The following NAA11 variants were observed in gnomAD, a reference collection of about 807,000 sequenced individuals.
NAA11 encodes the protein N-alpha-acetyltransferase 11, NatA catalytic subunit.
NAA11 carries 15 observed loss-of-function variants against 16.1 expected under a neutral mutation model. That is an observed-to-expected ratio of 0.93 (90% CI 0.62 to 1.44). NAA11 has a LOEUF of 1.44. Among genes scored for constraint, NAA11 ranks in the 40% most tolerant of loss-of-function variants. NAA11 has a pLI of 0.00. For synonymous variants in NAA11, 122 were observed against 112.4 expected (o/e 1.09, Z -0.54); for missense variants, 298 against 291.3 (o/e 1.02, Z -0.17).
At chr4:79,181,227 T>TA in the NAA11 span, among the ~76,000 whole-genome samples, 565 of 128,962 alleles carry the variant, frequency 4.4e-3, 2 homozygotes, top group Admixed American at 0.011. Flanking sequence ...CTTAAAGTAT[T>TA]AAAAAAAAAA....
At chr4:79,322,997 C>A (rs1044329718) in intron 1 of NAA11, among the ~76,000 whole-genome samples, 1 of 152,124 alleles carries the variant, frequency 6.6e-6, no homozygotes, top group African/African-American at 2.4e-5. Context: ...AAAAAAAGTC[C>A]ATTTATTCTT....
the NAA11 span, among the ~76,000 whole-genome samples, chr4:79,220,457 G>C: frequency 6.6e-6 from 1 of 151,804 alleles, no homozygotes; most frequent in Admixed American, 6.6e-5. Context: ...GTGTGTGTGT[G>C]TGTGTGTGTG....
At chr4:79,270,061 A>G (rs1298656462) in intron 2 of NAA11, among the ~76,000 whole-genome samples, 3 of 150,762 alleles carry the variant, frequency 2.0e-5, no homozygotes, top group South Asian at 2.1e-4. Context: ...CCATTGATCT[A>G]TATCTCTGTT....
the NAA11 span, among the ~76,000 whole-genome samples, chr4:79,179,406 T>C: frequency 2.0e-5 from 3 of 152,302 alleles, no homozygotes; most frequent in South Asian, 2.1e-4. Context: ...AGATATACTT[T>C]GAAGTGTATT....
the NAA11 span, among the ~76,000 whole-genome samples, chr4:79,179,801 G>A: frequency 6.6e-6 from 1 of 152,312 alleles, no homozygotes; most frequent in South Asian, 2.1e-4. Context: ...CTGCTATAAA[G>A]AATTGCTTCA....
the NAA11 span, among the ~76,000 whole-genome samples, chr4:79,192,948 T>G: frequency 6.6e-6 from 1 of 152,224 alleles, no homozygotes; most frequent in Non-Finnish European, 1.5e-5. Flanking sequence ...TATCTCATTG[T>G]GGTTTTGATT....
the NAA11 span, among the ~76,000 whole-genome samples, chr4:79,160,741 G>C: frequency 6.6e-6 from 1 of 151,782 alleles, no homozygotes; most frequent in Non-Finnish European, 1.5e-5. Flanking sequence ...TATATATTTT[G>C]GCAATAAGCC....
chr4:79,243,777 C>T (rs902139935), intron 2 of NAA11, among the ~76,000 whole-genome samples: 11 of 152,080 alleles, frequency 7.2e-5, no homozygotes, highest in African/African-American at 2.4e-4. Flanking sequence ...TTTAAAAGGC[C>T]TTAGAACAGG....
chr4:79,325,991 G>T lies in NAA11; in HGVS notation c.-114C>A. 1.1e-6 allele frequency: 1 copy of T among 870,342 alleles called. No homozygotes were observed. The highest frequency in any genetic ancestry group is 1.8e-6 in the Non-Finnish European group (1 of 565,588). The allele number at this position is 870,342 out of a possible 1,614,324, so 53.9% of individuals were successfully genotyped here. ...CGAGTCCAGGGGGCTAACACCACCG[G>T]GCTGAATCGTGTGGAGGGCGGATGG... On this transcript the variant is annotated 5_prime_UTR_variant, in exon 1 of 2. Coordinates refer to ENST00000286794, the MANE Select transcript of NAA11 (RefSeq NM_032693.3).
At chr4:79,309,721 T>TC (rs1350497696) in intron 1 of NAA11, among the ~76,000 whole-genome samples, 1 of 137,250 alleles carries the variant, frequency 7.3e-6, no homozygotes, top group Non-Finnish European at 1.6e-5. Flanking sequence ...TTTCTTTTTT[T>TC]TTTTTTTTTT....
rs75999058 is a variant in NAA11 at position 79,294,048 on chromosome 4, G to A, written c.*79C>T. 939 of 152,730 alleles carry A rather than the reference G, an allele frequency of 6.1e-3. 9 individuals carry two copies. Among genetic ancestry groups the A allele is most frequent in the African/African-American group, 0.022 (895 of 41,574 alleles). The allele number at this position is 152,730 out of a possible 1,614,324, so 9.5% of individuals were successfully genotyped here. A position where few individuals can be genotyped will look rare whatever the true frequency, so the allele number is the denominator to read the frequency against. Reference sequence around the variant, plus strand: ...TGATGCAGCAAGAAGGCCCTTGCCAGATGTCACCACCTTGATATTGAACTT... The same window carrying A: ...TGATGCAGCAAGAAGGCCCTTGCCAAATGTCACCACCTTGATATTGAACTT... On this transcript the variant is annotated 3_prime_UTR_variant and NMD_transcript_variant, in exon 2 of 3. Coordinates refer to the NAA11 transcript ENST00000511542.
In NAA11 at chr4:79,226,764, T is replaced by G. The variant is rs549352596; in HGVS notation, c.*123-494A>C. 2.4e-3 allele frequency among the ~76,000 whole-genome samples: 367 copies of G among 152,122 alleles called. 4 individuals are homozygous for G. Among genetic ancestry groups the G allele is most frequent in the African/African-American group, 8.3e-3 (346 of 41,488 alleles). On this transcript the variant is annotated intron_variant and NMD_transcript_variant, in intron 2 of 2. Transcript: ENST00000511542. ...CCCTACAAAGGACATGAATTCATCC[T>G]TTTTTATGGCTGCATAGTATTCCAT...
chr4:79,253,439 G>A (rs1234281070), intron 2 of NAA11, among the ~76,000 whole-genome samples: 1 of 152,182 alleles, frequency 6.6e-6, no homozygotes, highest in Non-Finnish European at 1.5e-5. Flanking sequence ...AGAAGAGGCT[G>A]AGGGCTGAGT....
downstream of NAA11, among the ~76,000 whole-genome samples, chr4:79,316,261 G>A (rs768443763): frequency 6.6e-6 from 1 of 152,140 alleles, no homozygotes; most frequent in African/African-American, 2.4e-5. Flanking sequence ...ACACATGGTT[G>A]AGAGGAAAGA....
the NAA11 span, among the ~76,000 whole-genome samples, chr4:79,191,381 GTGAGA>G: frequency 6.6e-6 from 1 of 150,940 alleles, no homozygotes; most frequent in Non-Finnish European, 1.5e-5. Flanking sequence ...TCTGACTGGT[GTGAGA>G]TGGTATCTCA....
intron 2 of NAA11, among the ~76,000 whole-genome samples, chr4:79,268,639 CTG>C (rs1309867208): frequency 2.0e-5 from 3 of 152,066 alleles, no homozygotes; most frequent in Admixed American, 1.3e-4. Flanking sequence ...GGTCAAATGA[CTG>C]CATAAGGAAT....
chr4:79,216,990 GA>G, the NAA11 span, among the ~76,000 whole-genome samples: 1 of 152,202 alleles, frequency 6.6e-6, no homozygotes, highest in African/African-American at 2.4e-5. Flanking sequence ...TAATGAGGTG[GA>G]AAAATGTACA....
At chr4:79,296,793 A>G (rs937030417) in intron 1 of NAA11, among the ~76,000 whole-genome samples, 5 of 152,184 alleles carry the variant, frequency 3.3e-5, no homozygotes, top group Non-Finnish European at 1.5e-5. Context: ...CCTATGATTT[A>G]ACATTTATCC....
intron 2 of NAA11, among the ~76,000 whole-genome samples, chr4:79,250,067 T>C (rs1225496725): frequency 6.6e-6 from 1 of 152,220 alleles, no homozygotes; most frequent in Non-Finnish European, 1.5e-5. Flanking sequence ...CCAAGGGAGT[T>C]GAGTGATTGT....
Sources: gnomAD v4.1 joint callset for allele counts (sites outside exome capture counted in the v4.1 genomes callset) on GRCh38, gnomAD v4.1.1 for gene constraint, MANE v1.5 for transcripts, NCBI Gene and HGNC (gene_info 2026-07-23, HGNC 2026-07-21) for gene names.